COP1: variants seen among roughly 807,000 people sequenced by gnomAD.
COP1 encodes the protein COP1 E3 ubiquitin ligase, also known as E3 ubiquitin-protein ligase COP1.
A neutral mutation model predicts 101.3 loss-of-function variants in COP1; 24 were observed. That is an observed-to-expected ratio of 0.24 (90% CI 0.17 to 0.33). The LOEUF (loss-of-function observed/expected upper bound fraction) is 0.33. COP1 is among the 10% of genes least tolerant of loss of function. The probability of loss-of-function intolerance (pLI) is 1.00; values close to 1 mark genes in which losing one functional copy is unlikely to be tolerated. For missense variants in COP1, 663 were observed against 906.2 expected, an observed-to-expected ratio of 0.73 and a Z score of 3.45; for synonymous variants, 347 against 341.9, an observed-to-expected ratio of 1.01 and a Z score of -0.17.
chr1:175,975,031 A>T (rs568274013), intron 18 of COP1, among the ~76,000 whole-genome samples: 2 of 152,062 alleles, frequency 1.3e-5, no homozygotes, highest in Non-Finnish European at 2.9e-5. Flanking sequence ...AAAAATATTG[A>T]CAGCTGTCAG....
intron 2 of COP1, among the ~76,000 whole-genome samples, chr1:176,182,656 C>A (rs1006896349): frequency 6.6e-6 from 1 of 152,142 alleles, no homozygotes; most frequent in African/African-American, 2.4e-5. Flanking sequence ...CTGAAAAAAA[C>A]ATATGGTTTC....
At chr1:176,128,004 ATCTATGTCTTCTTT>A (rs138901622) in intron 8 of COP1, among the ~76,000 whole-genome samples, 42,497 of 151,734 alleles carry the variant, frequency 0.28, 6,841 homozygotes, top group East Asian at 0.52. Flanking sequence ...CTTTTTCTAT[ATCTATGTCTTCTTT>A]TCTATGTCTT....
At chr1:176,107,262 C>T (rs754095318) in intron 9 of COP1, among the ~76,000 whole-genome samples, 1 of 151,918 alleles carries the variant, frequency 6.6e-6, no homozygotes, top group Non-Finnish European at 1.5e-5. Context: ...AGAAAGCTTG[C>T]AAGCAATGAT....
Position 175,987,107 on chromosome 1 carries a change from A to C in COP1, c.1973-4T>G. 2.9e-6 allele frequency: 4 copies of C among 1,375,780 alleles called. No homozygotes were observed. Among genetic ancestry groups the C allele is most frequent in the Non-Finnish European group, 4.0e-6 (4 of 997,324 alleles). The allele number at this position is 1,375,780 out of a possible 1,614,324, so 85.2% of individuals were successfully genotyped here. Reference sequence around the variant, plus strand: ...TAGAGAGAGTTATTTTCACTTCCTGAAAACAAATAATAATAATAGTATTTT... The same window carrying C: ...TAGAGAGAGTTATTTTCACTTCCTGCAAACAAATAATAATAATAGTATTTT... On this transcript the variant is annotated splice_polypyrimidine_tract_variant and splice_region_variant and intron_variant, in intron 17 of 19. Coordinates refer to ENST00000367669, the MANE Select transcript of COP1 (RefSeq NM_022457.7).
rs115982618 is a variant in COP1, at chr1:176,023,069, G to C, written c.1729+4503C>G. On this transcript the variant is annotated intron_variant, in intron 15 of 19. Coordinates refer to ENST00000367669, the MANE Select transcript of COP1 (RefSeq NM_022457.7). Reference sequence around the variant, plus strand: ...TGTAGTGAAGGATTCCTGATTCCGTGATTACAGTAATGGCATCATGTTCTT... The same window carrying C: ...TGTAGTGAAGGATTCCTGATTCCGTCATTACAGTAATGGCATCATGTTCTT... Among the ~76,000 whole-genome samples the C allele has an allele frequency of 5.9e-3, 896 of 152,214 alleles. 12 individuals are homozygous for C. The highest frequency in any genetic ancestry group is 0.021 in the African/African-American group (859 of 41,536).
At chr1:175,995,560 G>A (rs934543541) in intron 15 of COP1, among the ~76,000 whole-genome samples, 4 of 152,016 alleles carry the variant, frequency 2.6e-5, no homozygotes, top group Non-Finnish European at 4.4e-5. Context: ...AATGATAAAC[G>A]GGATATCACC....
intron 9 of COP1, among the ~76,000 whole-genome samples, chr1:176,115,231 C>G (rs1685979403): frequency 6.6e-6 from 1 of 151,394 alleles, no homozygotes; most frequent in African/African-American, 2.4e-5. Context: ...GGTAGATCAC[C>G]TGAGATCAGG....
intron 2 of COP1, among the ~76,000 whole-genome samples, chr1:176,178,650 G>A (rs990614123): frequency 6.6e-6 from 1 of 151,070 alleles, no homozygotes; most frequent in African/African-American, 2.4e-5. Flanking sequence ...TCAGGAGTTC[G>A]AGACCAGCCT....
chr1:176,163,685 G>T, intron 4 of COP1, 130 bp downstream of exon 4: 1 of 576,878 alleles, frequency 1.7e-6, no homozygotes, highest in South Asian at 2.8e-5. Context: ...TATTTGACTA[G>T]AACAATCCTA....
chr1:176,053,625 C>T (rs1008147337), intron 11 of COP1, among the ~76,000 whole-genome samples: 2 of 152,094 alleles, frequency 1.3e-5, no homozygotes, highest in African/African-American at 4.8e-5. Flanking sequence ...TTACCAATAA[C>T]TTCACTCCCT....
chr1:176,174,007 A>AAGAG (rs1553306871), intron 3 of COP1, among the ~76,000 whole-genome samples: 5 of 121,930 alleles, frequency 4.1e-5, no homozygotes, highest in Non-Finnish European at 8.8e-5. Context: ...AAAAAAAAAA[A>AAGAG]AGAGAATATA....
intron 18 of COP1, among the ~76,000 whole-genome samples, chr1:175,954,951 T>C (rs1037874554): frequency 6.6e-6 from 1 of 152,080 alleles, no homozygotes; most frequent in Non-Finnish European, 1.5e-5. Context: ...TAATTCACTA[T>C]GTAAAGAGAA....
rs139517769 is a variant in COP1, at chr1:175,970,214, T to C, written c.2133+16729A>G. On this transcript the variant is annotated intron_variant, in intron 18 of 19. Transcript: ENST00000367669. ...AGACTGCATTCTATAGGTTCATCAA[T>C]AGCTGTGAGAAACCAGAAACCAAGG... Among the ~76,000 whole-genome samples the C allele has an allele frequency of 2.6e-3, 399 of 152,242 alleles. 3 individuals carry two copies. The highest frequency in any genetic ancestry group is 9.2e-3 in the African/African-American group (381 of 41,542).
intron 11 of COP1, among the ~76,000 whole-genome samples, chr1:176,059,725 C>G (rs1160288641): frequency 6.6e-6 from 1 of 152,144 alleles, no homozygotes; most frequent in African/African-American, 2.4e-5. Context: ...TCGTGATCCA[C>G]CTGCCTCAGC....
intron 15 of COP1, among the ~76,000 whole-genome samples, chr1:176,003,463 C>T (rs1662295344): frequency 6.6e-6 from 1 of 151,810 alleles, no homozygotes; most frequent in Non-Finnish European, 1.5e-5. Flanking sequence ...AGGTTTTCTT[C>T]TAGGGTTTTT....
intron 11 of COP1, among the ~76,000 whole-genome samples, chr1:176,056,797 C>G (rs1470971412): frequency 6.6e-6 from 1 of 152,014 alleles, no homozygotes; most frequent in Non-Finnish European, 1.5e-5. Context: ...TGATTTCTTT[C>G]TTTTGTTTTC....
chr1:176,025,895 CA>C (rs200218769), intron 15 of COP1, among the ~76,000 whole-genome samples: 6 of 147,672 alleles, frequency 4.1e-5, no homozygotes, highest in African/African-American at 5.0e-5. Flanking sequence ...ACAAAAAAAC[CA>C]AAAAAAAAGA....
At chr1:176,148,078 CA>C (rs932853050) in intron 6 of COP1, among the ~76,000 whole-genome samples, 6 of 145,172 alleles carry the variant, frequency 4.1e-5, no homozygotes, top group Admixed American at 6.8e-5. Flanking sequence ...TTTCCTACCA[CA>C]AAAAAAAAAC....
intron 6 of COP1, among the ~76,000 whole-genome samples, chr1:176,141,247 A>C (rs898734316): frequency 2.6e-5 from 4 of 152,194 alleles, no homozygotes; most frequent in African/African-American, 9.6e-5. Flanking sequence ...CACGCCTGTA[A>C]GCCCAACACT....
Sources: allele counts gnomAD v4.1 joint callset (sites outside exome capture counted in the v4.1 genomes callset), GRCh38; gene constraint gnomAD v4.1.1; transcripts MANE v1.5; gene names NCBI Gene and HGNC (gene_info 2026-07-23, HGNC 2026-07-21).